MAJIN: variants seen among roughly 807,000 people sequenced by gnomAD.
MAJIN encodes the protein membrane anchored junction protein.
MAJIN carries 27 observed loss-of-function variants against 30.2 expected under a neutral mutation model. That is an observed-to-expected ratio of 0.89 (90% CI 0.66 to 1.23). MAJIN has a LOEUF of 1.23. MAJIN is among the 50% of genes most tolerant of loss of function. The pLI is 0.00. For synonymous variants in MAJIN, 78 were observed against 91.6 expected (o/e 0.85, Z 0.85); for missense variants, 253 against 260.3 (o/e 0.97, Z 0.19).
intron 3 of MAJIN, among the ~76,000 whole-genome samples, chr11:64,958,260 T>C (rs1945667486): frequency 6.6e-6 from 1 of 152,026 alleles, no homozygotes; most frequent in African/African-American, 2.4e-5. Flanking sequence ...AAATTTTTGC[T>C]TTAATTTTTA....
intron 8 of MAJIN, chr11:64,945,993 T>C (rs1945445549): frequency 1.6e-6 from 2 of 1,221,826 alleles, no homozygotes; most frequent in Admixed American, 3.1e-5. Flanking sequence ...AAAACCAAGA[T>C]GTGCTGGTAA....
chr11:64,940,573 C>A lies in MAJIN; in HGVS notation c.546+1G>T. The A allele has an allele frequency of 6.2e-7, 1 of 1,612,936 alleles. No individual in the cohort carries two copies. On this transcript the variant is annotated splice_donor_variant, in intron 9 of 10. Coordinates refer to ENST00000301896, the MANE Select transcript of MAJIN (RefSeq NM_001037225.3). LOFTEE classifies it high-confidence loss of function. ...ATAAATGGAAATTTCCCAGGACCTA[C>A]CTTGTTTCTGGACATCAGTGATATC...
intron 1 of MAJIN, among the ~76,000 whole-genome samples, chr11:64,967,459 C>G (rs1440189206): frequency 6.6e-6 from 1 of 151,906 alleles, no homozygotes; most frequent in Non-Finnish European, 1.5e-5. Flanking sequence ...GAAAAAGAAA[C>G]AAAGTGCTGG....
chr11:64,950,084 C>A (rs1945526443), intron 5 of MAJIN, among the ~76,000 whole-genome samples: 1 of 152,102 alleles, frequency 6.6e-6, no homozygotes, highest in Non-Finnish European at 1.5e-5. Context: ...AATCCCAGCA[C>A]TTTGGGAGGC....
chr11:64,954,309 T>G (rs1382983216), intron 4 of MAJIN: 1 of 264,490 alleles, frequency 3.8e-6, no homozygotes, highest in Non-Finnish European at 7.4e-6. Context: ...GAAAATGAAG[T>G]CGGAATAAGG....
At chr11:64,949,674 C>T (rs1213954430) in intron 6 of MAJIN, 69 bp downstream of exon 6, 17 of 1,567,552 alleles carry the variant, frequency 1.1e-5, no homozygotes, top group East Asian at 4.5e-5. Flanking sequence ...TAGCCCCTTT[C>T]GCGATACCTA....
chr11:64,949,616 G>T, intron 6 of MAJIN, 127 bp downstream of exon 6: 2 of 1,233,484 alleles, frequency 1.6e-6, no homozygotes, highest in Non-Finnish European at 2.2e-6. Flanking sequence ...GTCTGGCCTG[G>T]AGCACATGAT....
At position 64,939,760 on chromosome 11, in the gene MAJIN, C is replaced by G. The variant is rs758734857; in HGVS notation, c.554G>C (p.Ser185Thr). 6.2e-7 allele frequency: 1 copy of G among 1,613,568 alleles called. No homozygotes were observed. The highest frequency in any genetic ancestry group is 1.3e-5 in the African/African-American group (1 of 74,916). The stretch of plus-strand genomic sequence containing the variant: ...TTCGCCCTGGCAGGCTGTGTCCCCA[C>G]TCAGAATCTGTAAGGAAAACAATCA... Reference protein sequence around the residue: ...ISLMSRNKILSGDTACQGELS... With the variant: ...ISLMSRNKILTGDTACQGELS... The change falls in exon 10 of 11, where the codon AGT (serine) becomes ACT (threonine). Residue 185 changes from serine (S) to threonine (T), a missense_variant. Physicochemically the swap from Ser to Thr is moderately conservative, Grantham distance 58. Transcript: ENST00000301896.
At chr11:64,942,598 A>G (rs1003013033) in intron 8 of MAJIN, among the ~76,000 whole-genome samples, 25 of 152,196 alleles carry the variant, frequency 1.6e-4, no homozygotes, top group Non-Finnish European at 3.7e-4. Context: ...AGCTAGGACT[A>G]GCCCCCATCC....
intron 7 of MAJIN, 117 bp from the exon 8 acceptor site, chr11:64,947,582 G>T: frequency 1.8e-6 from 2 of 1,108,282 alleles, no homozygotes; most frequent in African/African-American, 1.6e-5. Context: ...TTTAACACCA[G>T]CTTTGCAAGT....
chr11:64,950,548 CT>C, intron 4 of MAJIN, 118 bp from the exon 5 acceptor site: 1 of 807,332 alleles, frequency 1.2e-6, no homozygotes, highest in African/African-American at 1.8e-5. Flanking sequence ...TTTGCTGTTC[CT>C]TTAACACGTG....
intron 1 of MAJIN, among the ~76,000 whole-genome samples, chr11:64,968,106 C>T (rs988152031): frequency 6.6e-6 from 1 of 151,892 alleles, no homozygotes; most frequent in Admixed American, 6.6e-5. Context: ...GTGGCTAGAA[C>T]ATTGAGAATG....
intron 8 of MAJIN, among the ~76,000 whole-genome samples, chr11:64,944,149 C>G (rs910023956): frequency 1.3e-5 from 2 of 152,242 alleles, no homozygotes; most frequent in Non-Finnish European, 2.9e-5. Flanking sequence ...ACAGAACAAT[C>G]CTTTAGAAAT....
At chr11:64,959,501 T>C in intron 2 of MAJIN, 79 bp from the exon 3 acceptor site, 1 of 1,079,434 alleles carries the variant, frequency 9.3e-7, no homozygotes, top group South Asian at 1.4e-5. Flanking sequence ...GCCCAATCTG[T>C]AACATCTCTT....
At chr11:64,971,726 C>A (rs1945909701) in intron 1 of MAJIN, among the ~76,000 whole-genome samples, 151 bp downstream of exon 1, 1 of 152,068 alleles carries the variant, frequency 6.6e-6, no homozygotes, top group Non-Finnish European at 1.5e-5. Context: ...CTGGGTGTCC[C>A]GAGAGCCCGG....
intron 6 of MAJIN, 66 bp downstream of exon 6, chr11:64,949,677 G>C (rs979906329): frequency 1.9e-6 from 3 of 1,579,230 alleles, no homozygotes; most frequent in Non-Finnish European, 2.6e-6. Context: ...CCCCTTTCGC[G>C]ATACCTAGCT....
At chr11:64,947,730 T>A in intron 7 of MAJIN, 58 bp downstream of exon 7, 1 of 1,562,962 alleles carries the variant, frequency 6.4e-7, no homozygotes, top group Non-Finnish European at 8.8e-7. Context: ...GCAGGACTTT[T>A]TGGAAAAAAG....
At chr11:64,955,659 G>A (rs1276990499) in intron 3 of MAJIN, among the ~76,000 whole-genome samples, 1 of 152,156 alleles carries the variant, frequency 6.6e-6, no homozygotes, top group Non-Finnish European at 1.5e-5. Context: ...ATAAATTTTG[G>A]GCTTTCAAGT....
intron 4 of MAJIN, chr11:64,954,191 G>A (rs1945596620): frequency 1.1e-5 from 2 of 174,254 alleles, no homozygotes; most frequent in Admixed American, 1.1e-4. Context: ...CCAACCCCCA[G>A]AACTCTAACT....
Sources: allele counts gnomAD v4.1 joint callset (sites outside exome capture counted in the v4.1 genomes callset), GRCh38; gene constraint gnomAD v4.1.1; transcripts MANE v1.5; gene names NCBI Gene and HGNC (gene_info 2026-07-23, HGNC 2026-07-21).